KHDRBS2: variants seen among roughly 807,000 people sequenced by gnomAD.
KHDRBS2 encodes the protein KH RNA binding domain containing, signal transduction associated 2.
KHDRBS2 carries 26 observed loss-of-function variants against 44.3 expected under a neutral mutation model. The observed-to-expected ratio is 0.59, with a 90% CI of 0.43 to 0.81. KHDRBS2 has a LOEUF of 0.81. Among genes scored for constraint, KHDRBS2 ranks in the 40% least tolerant of loss-of-function variants. KHDRBS2 has a pLI of 0.00. For missense variants in KHDRBS2, 476 were observed against 433.1 expected (o/e 1.10, Z -0.88); for synonymous variants, 194 against 151.1 (o/e 1.28, Z -2.08).
intron 3 of KHDRBS2, among the ~76,000 whole-genome samples, chr6:62,041,063 G>T (rs1786375926): frequency 6.6e-6 from 1 of 152,082 alleles, no homozygotes. Flanking sequence ...AAGCACGGTG[G>T]CTCACACTTG....
chr6:61,802,020 G>A (rs1306867962), intron 6 of KHDRBS2, among the ~76,000 whole-genome samples: 1 of 152,096 alleles, frequency 6.6e-6, no homozygotes, highest in African/African-American at 2.4e-5. Flanking sequence ...CATTATTGGT[G>A]GCTTTAAAGA....
the KHDRBS2 span, among the ~76,000 whole-genome samples, chr6:61,588,775 G>T: frequency 6.6e-6 from 1 of 151,956 alleles, no homozygotes; most frequent in African/African-American, 2.4e-5. Context: ...ATGGCTGACA[G>T]GGCAAGACCC....
At chr6:61,675,803 G>A (rs1467341268), downstream of KHDRBS2, among the ~76,000 whole-genome samples, 1 of 151,720 alleles carries the variant, frequency 6.6e-6, no homozygotes, top group African/African-American at 2.4e-5. Flanking sequence ...AATCTGATTT[G>A]TTTATTTAAT....
intron 2 of KHDRBS2, among the ~76,000 whole-genome samples, chr6:62,103,391 T>C (rs1417108853): frequency 1.3e-5 from 2 of 152,212 alleles, no homozygotes; most frequent in Non-Finnish European, 2.9e-5. Flanking sequence ...GGGTATGACA[T>C]GTCAGAACTG....
At chr6:61,853,729 G>A (rs137974403) in intron 6 of KHDRBS2, among the ~76,000 whole-genome samples, 1 of 152,300 alleles carries the variant, frequency 6.6e-6, no homozygotes, top group African/African-American at 2.4e-5. Context: ...AGATGAAATC[G>A]TATTGCTCTT....
chr6:61,999,759 T>C (rs1362554892), intron 3 of KHDRBS2, among the ~76,000 whole-genome samples: 1 of 152,126 alleles, frequency 6.6e-6, no homozygotes, highest in African/African-American at 2.4e-5. Flanking sequence ...TGAAAAGGCA[T>C]CTTTGTCTTT....
At chr6:61,994,641 A>G (rs898081939) in intron 3 of KHDRBS2, among the ~76,000 whole-genome samples, 4 of 152,222 alleles carry the variant, frequency 2.6e-5, no homozygotes, top group African/African-American at 9.6e-5. Flanking sequence ...ACTACATATA[A>G]TAAATTCTGG....
At chr6:61,849,430 T>TA (rs1007285434) in intron 6 of KHDRBS2, among the ~76,000 whole-genome samples, 2 of 152,068 alleles carry the variant, frequency 1.3e-5, no homozygotes, top group African/African-American at 4.8e-5. Flanking sequence ...TTACATGTAC[T>TA]AAAAGTCATG....
the KHDRBS2 span, among the ~76,000 whole-genome samples, chr6:61,568,291 T>C: frequency 6.6e-6 from 1 of 152,194 alleles, no homozygotes; most frequent in Non-Finnish European, 1.5e-5. Context: ...TCCACTTCAT[T>C]CTTTTTGTTT....
intron 1 of KHDRBS2, among the ~76,000 whole-genome samples, chr6:62,284,593 T>C (rs1323230421): frequency 6.6e-6 from 1 of 152,118 alleles, no homozygotes; most frequent in Non-Finnish European, 1.5e-5. Flanking sequence ...TAGGCATAAT[T>C]GTATTTCACC....
chr6:62,048,070 G>A (rs916467928), intron 2 of KHDRBS2, 76 bp from the exon 3 acceptor site: 10 of 732,450 alleles, frequency 1.4e-5, no homozygotes, highest in Admixed American at 1.1e-4. Context: ...TAATTGATAG[G>A]TTATAGGTTT....
intron 6 of KHDRBS2, among the ~76,000 whole-genome samples, chr6:61,776,127 T>C (rs1781947122): frequency 6.6e-6 from 1 of 152,146 alleles, no homozygotes; most frequent in Non-Finnish European, 1.5e-5. Flanking sequence ...TTACACCTTA[T>C]ACAAAAATTA....
chr6:61,848,497 ATATATATATATATGTATATATG>A lies in KHDRBS2; in HGVS notation c.810+46116_810+46137del, dbSNP rs1562293831. Among the ~76,000 whole-genome samples, 9 of 59,198 alleles carry A rather than the reference ATATATATATATATGTATATATG, an allele frequency of 1.5e-4. 1 individual carries two copies. In the South Asian group the frequency reaches 2.1e-3, roughly 14 times the overall value. 38.8% of individuals were successfully genotyped at this position (59,198 alleles called of 152,430 possible). A position where few individuals can be genotyped will look rare whatever the true frequency, so the allele number is the denominator to read the frequency against. ...TATATATATATATATATATGTATAT[ATATATATATATATGTATATATG>A]TATATATATATACATATATATGTAT... is the stretch of plus-strand genomic sequence containing the variant. On this transcript the variant is annotated intron_variant, in intron 6 of 8. Transcript: ENST00000281156.
At chr6:61,588,095 T>C in the KHDRBS2 span, among the ~76,000 whole-genome samples, 4 of 152,222 alleles carry the variant, frequency 2.6e-5, no homozygotes, top group Admixed American at 6.5e-5. Context: ...AACTAGTTGA[T>C]AAAAGATGAG....
intron 1 of KHDRBS2, among the ~76,000 whole-genome samples, chr6:62,214,384 G>A (rs1829628841): frequency 6.6e-6 from 1 of 152,024 alleles, no homozygotes; most frequent in African/African-American, 2.4e-5. Context: ...CATGACCCTA[G>A]AAAACTGTAA....
intron 6 of KHDRBS2, among the ~76,000 whole-genome samples, chr6:61,795,345 G>T (rs1455285602): frequency 6.6e-6 from 1 of 151,820 alleles, no homozygotes. Flanking sequence ...AACACAAAAA[G>T]CACTAAAAGG....
chr6:62,021,031 A>T (rs1470985635), intron 3 of KHDRBS2, among the ~76,000 whole-genome samples: 2 of 152,106 alleles, frequency 1.3e-5, no homozygotes, highest in Non-Finnish European at 2.9e-5. Context: ...CATATAAACC[A>T]TGAAATATTA....
the KHDRBS2 span, among the ~76,000 whole-genome samples, chr6:61,546,266 T>C: frequency 6.6e-6 from 1 of 151,782 alleles, no homozygotes; most frequent in African/African-American, 2.4e-5. Context: ...ATTAAGTATA[T>C]TATAAAATAT....
chr6:61,638,488 C>A, the KHDRBS2 span, among the ~76,000 whole-genome samples: 25 of 152,236 alleles, frequency 1.6e-4, no homozygotes, highest in African/African-American at 5.8e-4. Context: ...CTTCCTTACA[C>A]CTTATACAAA....
Sources: allele counts gnomAD v4.1 joint callset (sites outside exome capture counted in the v4.1 genomes callset), GRCh38; gene constraint gnomAD v4.1.1; transcripts MANE v1.5; gene names NCBI Gene and HGNC (gene_info 2026-07-23, HGNC 2026-07-21).